Variants in OVCH1 observed in about 807,000 individuals in gnomAD.
OVCH1 encodes the protein ovochymase 1.
A neutral mutation model predicts 138.4 loss-of-function variants in OVCH1; 139 were observed. That is an observed-to-expected ratio of 1.00 (90% confidence interval 0.87 to 1.16). The LOEUF (loss-of-function observed/expected upper bound fraction) is 1.16, where lower values mean the gene tolerates loss of function less well. Ranked by LOEUF, OVCH1 falls within the 50% of genes most tolerant of loss-of-function variation. The pLI is 0.00. For synonymous variants in OVCH1, 453 were observed against 467.8 expected, an observed-to-expected ratio of 0.97 and a Z score of 0.41; for missense variants, 1,367 against 1,357.9, an observed-to-expected ratio of 1.01 and a Z score of -0.11.
rs541167174 is a variant in OVCH1, at chr12:29,486,209, T to A, written c.995+37A>T. 3.9e-6 allele frequency: 6 copies of A among 1,538,280 alleles called. No individual in the cohort carries two copies. In the South Asian group the frequency reaches 5.6e-5, roughly 14 times the overall value. The stretch of plus-strand genomic sequence containing the variant: ...CCTGTTTGCTTTCCTCTGATGACTT[T>A]CTTCAAGTCAGCTTCCTTCTCTAAT... On this transcript the variant is annotated intron_variant, in intron 8 of 27. Coordinates refer to ENST00000318184, the Ensembl canonical transcript of OVCH1.
At chr12:29,475,498 G>A (rs1942675377) in intron 13 of OVCH1, among the ~76,000 whole-genome samples, 1 of 151,946 alleles carries the variant, frequency 6.6e-6, no homozygotes, top group African/African-American at 2.4e-5. Flanking sequence ...CCAAGTTGGT[G>A]TATTCCTTCT....
At chr12:29,435,745 T>C (rs1941347763) in intron 26 of OVCH1, among the ~76,000 whole-genome samples, 1 of 152,180 alleles carries the variant, frequency 6.6e-6, no homozygotes, top group Non-Finnish European at 1.5e-5. Flanking sequence ...GAAGATGATG[T>C]AATCTCATCT....
chr12:29,439,575 C>T, intron 25 of OVCH1: 1 of 1,111,788 alleles, frequency 9.0e-7, no homozygotes. Context: ...CTTTACCTCT[C>T]ACACCAGATG....
rs746370518 is a variant in OVCH1 at position 29,461,978 on chromosome 12, A to G, written c.2156T>C (p.Ile719Thr). The G allele has an allele frequency of 1.1e-5, 17 of 1,613,638 alleles. No homozygotes were observed. In the Admixed American group the frequency reaches 2.7e-4, roughly 25 times the overall value. The stretch of plus-strand genomic sequence containing the variant: ...CTCTCTTTCTAACACATGCACTTGA[A>G]TCTGCTGTAGGCGACTTGCTAGGCC... The change falls in exon 19 of 28, where the codon ATT becomes ACT. Residue 719 changes from isoleucine (I) to threonine (T), a missense_variant. By Grantham distance (89) the Ile-to-Thr change is moderately conservative (BLOSUM62 -1). Transcript: ENST00000318184.
At position 29,439,626 on chromosome 12, in the gene OVCH1, A is replaced by G. The variant is rs556298713; in HGVS notation, c.3158-192T>C. ...CTCCACAACAATTGGGTATCTTACA[A>G]TTCAATTCCATTCTGACATTATCTA... On this transcript the variant is annotated intron_variant, in intron 25 of 27. Coordinates refer to ENST00000318184, the Ensembl canonical transcript of OVCH1. Among the ~76,000 whole-genome samples the G allele has an allele frequency of 2.6e-5, 4 of 152,248 alleles. No individual in the cohort carries two copies. The South Asian group carries it at 8.3e-4, about 32-fold the overall frequency.
chr12:29,492,437 G>A (rs1943298275), intron 4 of OVCH1, among the ~76,000 whole-genome samples: 1 of 152,124 alleles, frequency 6.6e-6, no homozygotes, highest in South Asian at 2.1e-4. Context: ...AACCATTGAA[G>A]TGGTTTGAAT....
intron 3 of OVCH1, among the ~76,000 whole-genome samples, chr12:29,418,591 T>G (rs534427541): frequency 6.6e-6 from 1 of 152,160 alleles, no homozygotes; most frequent in African/African-American, 2.4e-5. Flanking sequence ...TATAGAAGAG[T>G]TACCCATACA....
chr12:29,496,723 G>A (rs1017454028), intron 1 of OVCH1, 49 bp from the exon 2 acceptor site: 1 of 1,388,342 alleles, frequency 7.2e-7, no homozygotes, highest in Non-Finnish European at 1.0e-6. Flanking sequence ...TTATGTAAGA[G>A]TTCACTTTAC....
chr12:29,453,846 C>CA, intron 21 of OVCH1, among the ~76,000 whole-genome samples: 1 of 152,218 alleles, frequency 6.6e-6, no homozygotes, highest in Non-Finnish European at 1.5e-5. Context: ...TAACTGGGGG[C>CA]ATTTTGCTCT....
chr12:29,442,064 C>T (rs374508845), intron 25 of OVCH1, among the ~76,000 whole-genome samples: 6,399 of 150,548 alleles, frequency 0.043, 413 homozygotes, highest in African/African-American at 0.14. Flanking sequence ...GTCAGTGTGG[C>T]GATTCCTCAG....
intron 19 of OVCH1, chr12:29,461,586 G>A (rs1020022331): frequency 3.9e-6 from 2 of 509,334 alleles, no homozygotes; most frequent in Non-Finnish European, 7.2e-6. Context: ...CTGCTTAGAA[G>A]CTCTGCCATT....
downstream of OVCH1, among the ~76,000 whole-genome samples, chr12:29,424,490 A>T (rs557858391): frequency 1.3e-5 from 2 of 152,230 alleles, no homozygotes; most frequent in African/African-American, 4.8e-5. Flanking sequence ...CTGTTTTTCA[A>T]AAAGGATGTT....
At chr12:29,440,937 C>A (rs924288477) in intron 25 of OVCH1, among the ~76,000 whole-genome samples, 193 bp from the exon 26 acceptor site, 4 of 152,198 alleles carry the variant, frequency 2.6e-5, no homozygotes, top group African/African-American at 9.6e-5. Context: ...CATACATCCT[C>A]TTTCTCTGGG....
intron 18 of OVCH1, 56 bp from the exon 19 acceptor site, chr12:29,462,064 T>C (rs1942156148): frequency 2.6e-6 from 4 of 1,557,116 alleles, no homozygotes; most frequent in Non-Finnish European, 3.5e-6. Context: ...AAAGTGTTGT[T>C]AGAAATGTAT....
rs1037383657 is a variant in OVCH1 at position 29,459,534 on chromosome 12, C to CA, written c.2280+2319dup. ...GGGAAGTGGGAATAATTAATGGGTA[C>CA]AAAAAAATAGAATGAAAAAAATAGT... On this transcript the variant is annotated intron_variant, in intron 19 of 27. Coordinates refer to ENST00000318184, the Ensembl canonical transcript of OVCH1. Among the ~76,000 whole-genome samples the CA allele has an allele frequency of 6.6e-5, 10 of 151,516 alleles. 1 individual carries two copies. In the South Asian group the frequency reaches 2.1e-3, roughly 32 times the overall value.
the OVCH1 span, among the ~76,000 whole-genome samples, chr12:29,404,749 G>A: frequency 2.0e-5 from 3 of 151,986 alleles, no homozygotes; most frequent in East Asian, 5.8e-4. Context: ...TCAGCCGGGC[G>A]CGGTGGGTCA....
At chr12:29,458,755 A>T (rs1252824212) in intron 19 of OVCH1, among the ~76,000 whole-genome samples, 1 of 152,206 alleles carries the variant, frequency 6.6e-6, no homozygotes, top group Non-Finnish European at 1.5e-5. Context: ...TGAGATTAAT[A>T]ACCAGAATAT....
At chr12:29,449,419 G>T (rs111311463) in intron 22 of OVCH1, among the ~76,000 whole-genome samples, 10,984 of 151,968 alleles carry the variant, frequency 0.072, 517 homozygotes, top group East Asian at 0.18. Context: ...GTAGCTTGAT[G>T]GGGATAGCAT....
intron 16 of OVCH1, among the ~76,000 whole-genome samples, chr12:29,466,396 A>G (rs1317982843): frequency 7.1e-6 from 1 of 141,290 alleles, no homozygotes; most frequent in African/African-American, 3.2e-5. Flanking sequence ...TTAAAAAATT[A>G]TATCTGTGAC....
Sources: gnomAD v4.1 joint callset for allele counts (sites outside exome capture counted in the v4.1 genomes callset) on GRCh38, gnomAD v4.1.1 for gene constraint, MANE v1.5 for transcripts, NCBI Gene and HGNC (gene_info 2026-07-23, HGNC 2026-07-21) for gene names.